The following PREX2 variants were observed in gnomAD, a reference collection of about 807,000 sequenced individuals.
The protein encoded by PREX2 is phosphatidylinositol 3,4,5-trisphosphate-dependent Rac exchanger 2 protein.
In PREX2, 107 loss-of-function variants were observed where a neutral mutation model predicts 203.2. That is an observed-to-expected ratio of 0.53 (90% CI 0.45 to 0.62). The LOEUF is 0.62. Ranked by LOEUF, PREX2 falls within the 20% of genes least tolerant of loss-of-function variation. The pLI is 0.00. For synonymous variants in PREX2, 672 were observed against 663.6 expected (o/e 1.01, Z -0.19); for missense variants, 1,777 against 1,955.9 (o/e 0.91, Z 1.72).
At chr8:68,172,763 G>C (rs1585844116) in intron 35 of PREX2, among the ~76,000 whole-genome samples, 1 of 152,272 alleles carries the variant, frequency 6.6e-6, no homozygotes, top group East Asian at 1.9e-4. Flanking sequence ...AGTTATGGAA[G>C]CTGGGATTCA....
At chr8:68,121,195 G>C in intron 30 of PREX2, 146 bp downstream of exon 30, 1 of 793,072 alleles carries the variant, frequency 1.3e-6, no homozygotes, top group Non-Finnish European at 2.0e-6. Flanking sequence ...TGGTGAGGGA[G>C]GAAGAGGGCA....
chr8:68,012,364 A>G (rs1320807401), intron 1 of PREX2, among the ~76,000 whole-genome samples: 1 of 152,176 alleles, frequency 6.6e-6, no homozygotes, highest in African/African-American at 2.4e-5. Flanking sequence ...TTTTGAATTA[A>G]TAATTGGTCT....
At chr8:68,073,695 T>C (rs1321285523) in intron 14 of PREX2, among the ~76,000 whole-genome samples, 2 of 152,182 alleles carry the variant, frequency 1.3e-5, no homozygotes, top group Non-Finnish European at 2.9e-5. Flanking sequence ...TTCATAACAC[T>C]GTGGGCAATG....
chr8:68,106,295 GT>G (rs1239785033), intron 23 of PREX2: 2 of 508,138 alleles, frequency 3.9e-6, no homozygotes, highest in Admixed American at 2.0e-5. Flanking sequence ...TTGACTGAAA[GT>G]TTTTTGCATC....
chr8:68,109,359 T>C, intron 24 of PREX2, 57 bp from the exon 25 acceptor site: 1 of 1,278,374 alleles, frequency 7.8e-7, no homozygotes. Context: ...TTGGACTGGG[T>C]TGTTATCGCA....
intron 39 of PREX2, among the ~76,000 whole-genome samples, chr8:68,230,627 C>A (rs1038949225): frequency 3.9e-5 from 6 of 152,120 alleles, no homozygotes; most frequent in Non-Finnish European, 8.8e-5. Context: ...TGTAGTTAAA[C>A]CCCCTGAGTT....
At chr8:68,002,398 C>T (rs1265144405) in intron 1 of PREX2, among the ~76,000 whole-genome samples, 8 of 152,128 alleles carry the variant, frequency 5.3e-5, no homozygotes, top group South Asian at 2.1e-4. Flanking sequence ...ACTCCTGCCT[C>T]GGTCTCCCAA....
chr8:68,191,935 T>C (rs1409586985), intron 36 of PREX2, 147 bp downstream of exon 36: 3 of 609,484 alleles, frequency 4.9e-6, no homozygotes, highest in East Asian at 2.8e-5. Flanking sequence ...CTCTTCTTTA[T>C]TCATTTATTT....
At chr8:68,186,716 G>A (rs1234850373) in intron 35 of PREX2, among the ~76,000 whole-genome samples, 1 of 152,080 alleles carries the variant, frequency 6.6e-6, no homozygotes, top group Non-Finnish European at 1.5e-5. Context: ...GTTTCACCAT[G>A]TTGGTCAGGT....
At chr8:68,094,504 T>C (rs896748849) in intron 21 of PREX2, among the ~76,000 whole-genome samples, 1 of 152,202 alleles carries the variant, frequency 6.6e-6, no homozygotes, top group African/African-American at 2.4e-5. Context: ...ATGTCTGCAA[T>C]TGACAAATAC....
At chr8:68,223,689 A>G (rs933657214) in intron 38 of PREX2, among the ~76,000 whole-genome samples, 3 of 152,196 alleles carry the variant, frequency 2.0e-5, no homozygotes, top group Non-Finnish European at 4.4e-5. Flanking sequence ...ATGAGGAACT[A>G]AAGTGATTAT....
intron 14 of PREX2, among the ~76,000 whole-genome samples, chr8:68,072,920 T>C (rs1235170866): frequency 6.6e-6 from 1 of 152,180 alleles, no homozygotes; most frequent in East Asian, 1.9e-4. Flanking sequence ...TTATTAATGC[T>C]AGCAAGTTAT....
chr8:68,088,335 C>A (rs1809764803), intron 19 of PREX2, among the ~76,000 whole-genome samples: 1 of 152,092 alleles, frequency 6.6e-6, no homozygotes, highest in Non-Finnish European at 1.5e-5. Context: ...CTCTTCTTAT[C>A]ATATGTATTT....
At chr8:68,020,655 G>A (rs1245986697) in intron 3 of PREX2, among the ~76,000 whole-genome samples, 2 of 152,244 alleles carry the variant, frequency 1.3e-5, no homozygotes, top group Non-Finnish European at 2.9e-5. Flanking sequence ...GGAAGATCAA[G>A]CTGTGTTTTT....
intron 1 of PREX2, among the ~76,000 whole-genome samples, chr8:68,014,710 C>T (rs1402495968): frequency 6.6e-6 from 1 of 152,094 alleles, no homozygotes; most frequent in Non-Finnish European, 1.5e-5. Flanking sequence ...TAAGTAAACT[C>T]GATTTTCCTG....
At chr8:68,131,523 T>G (rs1480521911) in intron 31 of PREX2, among the ~76,000 whole-genome samples, 1 of 152,166 alleles carries the variant, frequency 6.6e-6, no homozygotes, top group Admixed American at 6.6e-5. Flanking sequence ...AATTGGTGAA[T>G]GAAAATAACT....
chr8:68,143,400 A>C (rs1442864242), intron 33 of PREX2, among the ~76,000 whole-genome samples: 1 of 152,100 alleles, frequency 6.6e-6, no homozygotes, highest in Admixed American at 6.6e-5. Context: ...CCATGGTTAT[A>C]AGTTTCCTGA....
At chr8:68,089,664 G>T (rs1211027933) in intron 19 of PREX2, among the ~76,000 whole-genome samples, 1 of 152,154 alleles carries the variant, frequency 6.6e-6, no homozygotes, top group Non-Finnish European at 1.5e-5. Context: ...ACATTTCTAG[G>T]AGTGAATTTT....
chr8:68,107,578 C>G (rs1310823392), intron 23 of PREX2, among the ~76,000 whole-genome samples: 2 of 152,220 alleles, frequency 1.3e-5, no homozygotes, highest in African/African-American at 4.8e-5. Flanking sequence ...GGGAAACAGA[C>G]TTGTCCTGCC....
Sources: allele counts gnomAD v4.1 joint callset (sites outside exome capture counted in the v4.1 genomes callset), GRCh38; gene constraint gnomAD v4.1.1; transcripts MANE v1.5; gene names NCBI Gene and HGNC (gene_info 2026-07-23, HGNC 2026-07-21).